RGS6: variants seen among roughly 807,000 people sequenced by gnomAD.
RGS6 encodes the protein regulator of G-protein signaling 6.
Under a neutral mutation model 78.5 loss-of-function variants are expected in RGS6, and 30 were observed. The ratio of observed to expected loss-of-function variants is 0.38; its 90% CI spans 0.29 to 0.52. RGS6 has a LOEUF of 0.52. Ranked by LOEUF, RGS6 falls within the 20% of genes least tolerant of loss-of-function variation. The pLI is 0.85. For missense variants in RGS6, 495 were observed against 609.7 expected (o/e 0.81, Z 1.98); for synonymous variants, 206 against 206.0 (o/e 1.00, Z 0.00).
At chr14:72,070,436 T>G (rs2153454547) in intron 2 of RGS6, among the ~76,000 whole-genome samples, 1 of 152,316 alleles carries the variant, frequency 6.6e-6, no homozygotes, top group African/African-American at 2.4e-5. Flanking sequence ...TATAGTAAAT[T>G]CTCAGGTTTG....
intron 3 of RGS6, among the ~76,000 whole-genome samples, chr14:72,387,628 AT>A (rs769649587): frequency 1.3e-5 from 2 of 152,158 alleles, no homozygotes; most frequent in African/African-American, 2.4e-5. Flanking sequence ...AAAGAAAAAA[AT>A]GTACATATAT....
intron 2 of RGS6, among the ~76,000 whole-genome samples, chr14:72,314,387 GC>G (rs2069492204): frequency 6.6e-6 from 1 of 152,180 alleles, no homozygotes; most frequent in Non-Finnish European, 1.5e-5. Flanking sequence ...ACAGTATCCA[GC>G]CTATTGTTGT....
intron 2 of RGS6, among the ~76,000 whole-genome samples, chr14:72,198,046 C>A (rs1056971863): frequency 6.6e-6 from 1 of 152,070 alleles, no homozygotes; most frequent in Non-Finnish European, 1.5e-5. Context: ...AGAATAAGTA[C>A]TTGTTGTGTT....
At position 72,073,740 on chromosome 14, in the gene RGS6, A is replaced by G. The variant is rs181566751; in HGVS notation, c.84+108865A>G. On this transcript the variant is annotated intron_variant, in intron 2 of 17. Coordinates refer to ENST00000553525, the MANE Select transcript of RGS6 (RefSeq NM_001204424.2). ...CTGGAATAAATTTTTTTTTCTCACA[A>G]ATTTTATAATGAAACAATGTTACTG... Among the ~76,000 whole-genome samples, 812 of 152,310 alleles carry G rather than the reference A, an allele frequency of 5.3e-3. 7 individuals are homozygous for G. The highest frequency in any genetic ancestry group is 6.8e-3 in the Non-Finnish European group (466 of 68,030).
the RGS6 span, chr14:72,612,375 G>A: frequency 1.0e-5 from 5 of 481,562 alleles, no homozygotes; most frequent in South Asian, 6.3e-5. Flanking sequence ...TCTGCTCTGA[G>A]ATAATCATTC....
chr14:71,952,549 G>A (rs1346066840), intron 1 of RGS6, among the ~76,000 whole-genome samples: 1 of 151,790 alleles, frequency 6.6e-6, no homozygotes, highest in Non-Finnish European at 1.5e-5. Context: ...AATTCAAATT[G>A]TACTATTTTT....
chr14:72,026,322 G>A (rs1046434814), intron 2 of RGS6, among the ~76,000 whole-genome samples: 2 of 152,042 alleles, frequency 1.3e-5, no homozygotes, highest in Non-Finnish European at 2.9e-5. Flanking sequence ...CAGAAGAATC[G>A]CTTGAACCCA....
chr14:72,588,147 T>C, the RGS6 span, among the ~76,000 whole-genome samples: 2 of 152,114 alleles, frequency 1.3e-5, no homozygotes, highest in East Asian at 3.9e-4. Context: ...CCCATAATAT[T>C]GGGACGAGCT....
At chr14:72,482,746 C>A (rs2096406603) in intron 12 of RGS6, among the ~76,000 whole-genome samples, 1 of 152,188 alleles carries the variant, frequency 6.6e-6, no homozygotes, top group Non-Finnish European at 1.5e-5. Context: ...ATGCAAAACT[C>A]TTGCAGATTA....
chr14:72,088,989 G>A lies in RGS6; in HGVS notation c.84+124114G>A, dbSNP rs141234652. Among the ~76,000 whole-genome samples, 17 of 152,296 alleles carry A rather than the reference G, an allele frequency of 1.1e-4. No individual in the cohort carries two copies. In the East Asian group the frequency reaches 3.3e-3, roughly 29 times the overall value. ...GTCTTCCCTGGCCACCCAATCTAAA[G>A]TAGTCCAGCCCCACCTCGAAGGACA... is the stretch of plus-strand genomic sequence containing the variant. On this transcript the variant is annotated intron_variant, in intron 2 of 17. Transcript: ENST00000553525.
upstream of RGS6, among the ~76,000 whole-genome samples, chr14:71,928,238 GA>G (rs1205084146): frequency 1.3e-5 from 2 of 152,150 alleles, no homozygotes; most frequent in African/African-American, 4.8e-5. Flanking sequence ...TTCTCTGAAA[GA>G]ACCAATTTCT....
chr14:72,083,618 G>GA (rs2094911600), intron 2 of RGS6, among the ~76,000 whole-genome samples: 1 of 152,174 alleles, frequency 6.6e-6, no homozygotes, highest in Admixed American at 6.5e-5. Context: ...GAGCTGCTCA[G>GA]AAAGGGAAGC....
At chr14:71,941,921 G>A (rs35607894) in intron 1 of RGS6, among the ~76,000 whole-genome samples, 21,865 of 151,942 alleles carry the variant, frequency 0.14, 1,700 homozygotes, top group Non-Finnish European at 0.16. Flanking sequence ...CTTTTCACAG[G>A]CTTTCACAGT....
chr14:72,184,498 T>C (rs2153704733), intron 2 of RGS6, among the ~76,000 whole-genome samples: 1 of 152,060 alleles, frequency 6.6e-6, no homozygotes, highest in African/African-American at 2.4e-5. Flanking sequence ...TGAGAGTTAA[T>C]GAGTTTATAG....
At chr14:72,125,135 G>A (rs971386503) in intron 2 of RGS6, among the ~76,000 whole-genome samples, 4 of 152,152 alleles carry the variant, frequency 2.6e-5, no homozygotes, top group East Asian at 3.8e-4. Context: ...TGAGGGGGAC[G>A]TCTTTGTTGG....
At chr14:71,875,841 T>G in the RGS6 span, among the ~76,000 whole-genome samples, 2 of 152,226 alleles carry the variant, frequency 1.3e-5, no homozygotes, top group East Asian at 3.8e-4. Context: ...TCTTGTATGT[T>G]GTGTCTTTGT....
At chr14:72,307,242 A>G (rs1208016070) in intron 2 of RGS6, among the ~76,000 whole-genome samples, 2 of 94,996 alleles carry the variant, frequency 2.1e-5, no homozygotes, top group African/African-American at 8.6e-5. Flanking sequence ...CACTCAATCA[A>G]CTACAGTATA....
chr14:71,960,333 A>G (rs142542829), intron 1 of RGS6, among the ~76,000 whole-genome samples: 4 of 152,358 alleles, frequency 2.6e-5, no homozygotes, highest in Non-Finnish European at 4.4e-5. Context: ...GCTGGTTCAT[A>G]TCAATAAACC....
At chr14:72,615,912 C>G in the RGS6 span, among the ~76,000 whole-genome samples, 1 of 152,248 alleles carries the variant, frequency 6.6e-6, no homozygotes, top group South Asian at 2.1e-4. Context: ...TTGGGTCTGG[C>G]AGCCTCACCT....
Sources: gnomAD v4.1 joint callset for allele counts (sites outside exome capture counted in the v4.1 genomes callset) on GRCh38, gnomAD v4.1.1 for gene constraint, MANE v1.5 for transcripts, NCBI Gene and HGNC (gene_info 2026-07-23, HGNC 2026-07-21) for gene names.